Variants in TBCK observed in about 807,000 individuals in gnomAD.
The protein encoded by TBCK is TBC1 domain containing kinase.
A neutral mutation model predicts 113.4 loss-of-function variants in TBCK; 99 were observed. The observed-to-expected ratio is 0.87, with a 90% confidence interval of 0.74 to 1.03. The LOEUF (loss-of-function observed/expected upper bound fraction) is 1.03, where lower values mean the gene tolerates loss of function less well. Ranked by LOEUF, TBCK falls within the 50% of genes least tolerant of loss-of-function variation. The pLI is 0.00. For missense variants in TBCK, 1,045 were observed against 1,061.3 expected, an observed-to-expected ratio of 0.98 and a Z score of 0.21; for synonymous variants, 369 against 370.8, an observed-to-expected ratio of 1.00 and a Z score of 0.05.
chr4:106,072,303 T>A (rs375954967), intron 25 of TBCK, among the ~76,000 whole-genome samples: 51 of 152,326 alleles, frequency 3.3e-4, no homozygotes, highest in African/African-American at 1.1e-3. Context: ...GGCGACAAAA[T>A]CTCTCAGCAT....
intron 23 of TBCK, among the ~76,000 whole-genome samples, chr4:106,147,435 G>A (rs1271764644): frequency 6.6e-6 from 1 of 152,108 alleles, no homozygotes; most frequent in Non-Finnish European, 1.5e-5. Flanking sequence ...GGGAAGTCAG[G>A]GACCCCAAAC....
chr4:106,239,638 A>G (rs1448194515), intron 12 of TBCK, among the ~76,000 whole-genome samples: 1 of 152,088 alleles, frequency 6.6e-6, no homozygotes, highest in African/African-American at 2.4e-5. Context: ...TGGGAAGAGC[A>G]AGTTTAAAGG....
At chr4:106,112,329 C>T (rs1308062442) in intron 24 of TBCK, among the ~76,000 whole-genome samples, 1 of 152,112 alleles carries the variant, frequency 6.6e-6, no homozygotes, top group Non-Finnish European at 1.5e-5. Context: ...TAGAGCATGC[C>T]CTTCCTGCTG....
intron 23 of TBCK, among the ~76,000 whole-genome samples, chr4:106,152,778 A>C (rs1748650608): frequency 6.6e-6 from 1 of 151,942 alleles, no homozygotes; most frequent in Admixed American, 6.6e-5. Flanking sequence ...ATCTATTCAG[A>C]TTTTGGACTT....
intron 25 of TBCK, among the ~76,000 whole-genome samples, chr4:106,069,077 T>C (rs2149473220): frequency 6.6e-6 from 1 of 152,336 alleles, no homozygotes; most frequent in Non-Finnish European, 1.5e-5. Flanking sequence ...GCAAAAATTT[T>C]CTCCCATTCT....
chr4:106,191,058 T>C (rs1009122428), intron 22 of TBCK, among the ~76,000 whole-genome samples: 1 of 152,208 alleles, frequency 6.6e-6, no homozygotes, highest in African/African-American at 2.4e-5. Context: ...TCAGTGAACA[T>C]ATTTGGGGAA....
intron 23 of TBCK, among the ~76,000 whole-genome samples, chr4:106,154,025 A>G (rs1234472462): frequency 1.3e-5 from 2 of 151,932 alleles, no homozygotes; most frequent in African/African-American, 2.4e-5. Flanking sequence ...CAACCATTCT[A>G]TATCTTTTCA....
At position 106,044,838 on chromosome 4, in the gene TBCK, A is replaced by G. The variant is rs535269959; in HGVS notation, c.*1732T>C. On this transcript the variant is annotated 3_prime_UTR_variant, in exon 26 of 26. Coordinates refer to ENST00000394708, the MANE Select transcript of TBCK (RefSeq NM_001163435.3). ...GCAAAGAAAAAATAAAATAAAGTAAACAATAGCAGCAACAACAAAACCATG... is the reference window on the plus strand; with the variant it reads ...GCAAAGAAAAAATAAAATAAAGTAAGCAATAGCAGCAACAACAAAACCATG... The G allele has an allele frequency of 6.6e-6, 1 of 152,342 alleles. No individual in the cohort carries two copies. The highest frequency in any genetic ancestry group is 2.1e-4 in the South Asian group (1 of 4,828). The allele number at this position is 152,342 out of a possible 1,614,324, so 9.4% of individuals were successfully genotyped here. A position where few individuals can be genotyped will look rare whatever the true frequency, so the allele number is the denominator to read the frequency against.
intron 2 of TBCK, among the ~76,000 whole-genome samples, chr4:106,301,688 A>G (rs1766962492): frequency 6.6e-6 from 1 of 152,232 alleles, no homozygotes; most frequent in Admixed American, 6.5e-5. Context: ...TAATGTTACT[A>G]AAACAGACCA....
At chr4:106,059,382 A>G (rs1210380652) in intron 25 of TBCK, among the ~76,000 whole-genome samples, 1 of 151,744 alleles carries the variant, frequency 6.6e-6, no homozygotes, top group Non-Finnish European at 1.5e-5. Context: ...TTACAATAGC[A>G]TGTGCTCACT....
intron 20 of TBCK, among the ~76,000 whole-genome samples, chr4:106,209,845 G>GAT (rs1258823723): frequency 6.6e-6 from 1 of 151,808 alleles, no homozygotes; most frequent in Non-Finnish European, 1.5e-5. Flanking sequence ...GTACTATCAA[G>GAT]ATAGATTTTC....
rs555528036 is a variant in TBCK at position 106,128,202 on chromosome 4, A to G, written c.2236-11824T>C. Among the ~76,000 whole-genome samples the G allele has an allele frequency of 3.9e-5, 6 of 152,356 alleles. No individual in the cohort carries two copies. In the East Asian group the frequency reaches 1.2e-3, roughly 29 times the overall value. On this transcript the variant is annotated intron_variant, in intron 23 of 25. Coordinates refer to ENST00000394708, the MANE Select transcript of TBCK (RefSeq NM_001163435.3). ...ATATGTAATCAACACTATAAGTTAC[A>G]TAAGGCCAGATGTGATACAAATTCA...
At position 106,194,254 on chromosome 4, in the gene TBCK, G is replaced by C. The variant is rs1178699072; in HGVS notation, c.1897+464C>G. ...AATATCTACTTCAAATATTATTACA[G>C]TTACCATGTAAACCATATTTTATTA... On this transcript the variant is annotated intron_variant, in intron 21 of 25. Transcript: ENST00000394708. Among the ~76,000 whole-genome samples the C allele has an allele frequency of 3.3e-5, 5 of 151,956 alleles. No individual in the cohort carries two copies. In the East Asian group the frequency reaches 9.7e-4, roughly 29 times the overall value.
At chr4:106,129,884 A>G (rs898917545) in intron 23 of TBCK, among the ~76,000 whole-genome samples, 1 of 152,292 alleles carries the variant, frequency 6.6e-6, no homozygotes, top group East Asian at 1.9e-4. Flanking sequence ...AAATGGGTAC[A>G]GACAATAGGA....
At chr4:106,152,067 C>T in intron 23 of TBCK, among the ~76,000 whole-genome samples, 1 of 151,632 alleles carries the variant, frequency 6.6e-6, no homozygotes, top group East Asian at 1.9e-4. Flanking sequence ...ATCTAGATGC[C>T]CTTTATTTTT....
At position 106,157,269 on chromosome 4, in the gene TBCK, A is replaced by G. The variant is rs117262838; in HGVS notation, c.2235+13826T>C. Among the ~76,000 whole-genome samples, 87 of 152,240 alleles carry G rather than the reference A, an allele frequency of 5.7e-4. 1 individual carries two copies. The East Asian group carries it at 0.016, about 28-fold the overall frequency. On this transcript the variant is annotated intron_variant, in intron 23 of 25. Coordinates refer to ENST00000394708, the MANE Select transcript of TBCK (RefSeq NM_001163435.3). The stretch of plus-strand genomic sequence containing the variant: ...TCCCTCCTCTCCTTAAGTGGAAAGA[A>G]GGTGTCTTTTTTGGAGCCCCATGCT...
chr4:106,075,011 G>C (rs890152201), intron 25 of TBCK, among the ~76,000 whole-genome samples: 5 of 152,192 alleles, frequency 3.3e-5, no homozygotes, highest in Non-Finnish European at 5.9e-5. Flanking sequence ...TTCCTGGGGT[G>C]AATAAGGTAA....
intron 3 of TBCK, among the ~76,000 whole-genome samples, chr4:106,267,809 G>A (rs141653605): frequency 1.3e-5 from 2 of 151,908 alleles, no homozygotes; most frequent in East Asian, 3.9e-4. Context: ...TATTTCAAAG[G>A]CAATTTACTG....
At chr4:106,072,616 G>T (rs930915625) in intron 25 of TBCK, among the ~76,000 whole-genome samples, 2 of 152,132 alleles carry the variant, frequency 1.3e-5, no homozygotes, top group African/African-American at 2.4e-5. Context: ...AGTGTTCTCT[G>T]TATCTTCTGA....
Sources: gnomAD v4.1 joint callset for allele counts (sites outside exome capture counted in the v4.1 genomes callset) on GRCh38, gnomAD v4.1.1 for gene constraint, MANE v1.5 for transcripts, NCBI Gene and HGNC (gene_info 2026-07-23, HGNC 2026-07-21) for gene names.